Variants in KHDRBS2 observed in about 807,000 individuals in gnomAD.
The protein encoded by KHDRBS2 is KH RNA binding domain containing, signal transduction associated 2, also known as KH domain-containing, RNA-binding, signal transduction-associated protein 2.
A neutral mutation model predicts 44.3 loss-of-function variants in KHDRBS2; 26 were observed. That is an observed-to-expected ratio of 0.59 (90% CI 0.43 to 0.81). The LOEUF (loss-of-function observed/expected upper bound fraction) is 0.81. Among genes scored for constraint, KHDRBS2 ranks in the 40% least tolerant of loss-of-function variants. KHDRBS2 has a pLI of 0.00. For missense variants in KHDRBS2, 476 were observed against 433.1 expected (o/e 1.10, Z -0.88); for synonymous variants, 194 against 151.1 (o/e 1.28, Z -2.08).
the KHDRBS2 span, among the ~76,000 whole-genome samples, chr6:61,555,171 A>C: frequency 1.3e-5 from 2 of 152,070 alleles, no homozygotes; most frequent in Admixed American, 1.3e-4. Flanking sequence ...TCTTTAAATA[A>C]TCCTATATTA....
intron 2 of KHDRBS2, among the ~76,000 whole-genome samples, chr6:62,158,334 G>T (rs1248521236): frequency 1.3e-5 from 2 of 152,100 alleles, no homozygotes; most frequent in Non-Finnish European, 2.9e-5. Context: ...ACTATGCCAG[G>T]TATGTACATA....
chr6:61,752,075 C>A (rs937609316), intron 6 of KHDRBS2, among the ~76,000 whole-genome samples: 2 of 152,100 alleles, frequency 1.3e-5, no homozygotes, highest in African/African-American at 4.8e-5. Context: ...CAGTAACATT[C>A]TGAGGTACCA....
intron 2 of KHDRBS2, among the ~76,000 whole-genome samples, chr6:62,133,357 C>T (rs1351847985): frequency 6.6e-6 from 1 of 152,176 alleles, no homozygotes; most frequent in African/African-American, 2.4e-5. Context: ...TAAGGGGAAT[C>T]CCCTTTTGCT....
intron 2 of KHDRBS2, among the ~76,000 whole-genome samples, chr6:62,061,338 T>G (rs535241391): frequency 6.6e-6 from 1 of 152,002 alleles, no homozygotes; most frequent in Non-Finnish European, 1.5e-5. Context: ...TGTTCAGCGC[T>G]TCCTTCAGGA....
At chr6:61,572,541 C>A in the KHDRBS2 span, among the ~76,000 whole-genome samples, 1 of 152,034 alleles carries the variant, frequency 6.6e-6, no homozygotes, top group Non-Finnish European at 1.5e-5. Context: ...ATATCAATAT[C>A]CCTGATGAAT....
intron 6 of KHDRBS2, among the ~76,000 whole-genome samples, chr6:61,741,657 G>T (rs1272766686): frequency 6.6e-6 from 1 of 151,778 alleles, no homozygotes. Flanking sequence ...TGCCATTTTT[G>T]TAAGTCAAAA....
chr6:62,226,552 G>C (rs1585293637), intron 1 of KHDRBS2, among the ~76,000 whole-genome samples: 1 of 152,128 alleles, frequency 6.6e-6, no homozygotes, highest in African/African-American at 2.4e-5. Flanking sequence ...GATCCTATTT[G>C]TCAATTTTGG....
the KHDRBS2 span, among the ~76,000 whole-genome samples, chr6:61,662,068 G>C: frequency 1.3e-5 from 2 of 152,050 alleles, no homozygotes; most frequent in African/African-American, 4.8e-5. Flanking sequence ...AAATGGAACA[G>C]AACAGAGCCC....
chr6:61,932,717 C>T (rs539662461), intron 4 of KHDRBS2, among the ~76,000 whole-genome samples: 39 of 152,190 alleles, frequency 2.6e-4, no homozygotes, highest in South Asian at 1.7e-3. Context: ...TGGCGTGAAC[C>T]GGGAGGCGGA....
chr6:61,814,477 C>A (rs754911967), intron 6 of KHDRBS2, among the ~76,000 whole-genome samples: 10 of 151,130 alleles, frequency 6.6e-5, no homozygotes, highest in Non-Finnish European at 4.4e-5. Flanking sequence ...TGTGGTGCTG[C>A]GTGCCTGTAA....
intron 7 of KHDRBS2, among the ~76,000 whole-genome samples, chr6:61,727,247 G>C (rs1166762479): frequency 6.6e-6 from 1 of 152,028 alleles, no homozygotes. Context: ...ATTGAAACTG[G>C]ACCCCTTCCT....
intron 1 of KHDRBS2, among the ~76,000 whole-genome samples, chr6:62,180,489 C>G (rs1585088655): frequency 6.6e-6 from 1 of 151,808 alleles, no homozygotes; most frequent in East Asian, 1.9e-4. Context: ...CTTAGTTAAG[C>G]TGGTTAACGA....
chr6:61,981,646 T>C (rs1188409515), intron 3 of KHDRBS2, among the ~76,000 whole-genome samples: 1 of 152,138 alleles, frequency 6.6e-6, no homozygotes, highest in African/African-American at 2.4e-5. Context: ...TTTTTGACAA[T>C]TTGCAAAAAT....
chr6:62,046,506 GAA>G (rs954408839), intron 3 of KHDRBS2, among the ~76,000 whole-genome samples: 16 of 151,900 alleles, frequency 1.1e-4, no homozygotes, highest in African/African-American at 3.9e-4. Flanking sequence ...AAATCTTAAA[GAA>G]TGTGTGAGAC....
chr6:61,657,589 T>C, the KHDRBS2 span, among the ~76,000 whole-genome samples: 15 of 151,876 alleles, frequency 9.9e-5, no homozygotes, highest in African/African-American at 3.4e-4. Context: ...AAAACAAACG[T>C]GTCCTACAAA....
Position 62,040,815 on chromosome 6 carries a change from C to T in KHDRBS2, c.336+7063G>A, listed in dbSNP as rs531205460. Among the ~76,000 whole-genome samples the T allele has an allele frequency of 5.7e-4, 86 of 152,156 alleles. 1 individual carries two copies. Among genetic ancestry groups the T allele is most frequent in the African/African-American group, 1.9e-3 (77 of 41,552 alleles). ...TCTTCCAATGTAGCCCCCAAAATCA[C>T]GAACCAACACTACTCTGCATTCTAT... is the stretch of plus-strand genomic sequence containing the variant. On this transcript the variant is annotated intron_variant, in intron 3 of 8. Coordinates refer to ENST00000281156, the MANE Select transcript of KHDRBS2 (RefSeq NM_152688.4).
chr6:61,652,377 T>A, the KHDRBS2 span: 1 of 152,014 alleles, frequency 6.6e-6, no homozygotes, highest in African/African-American at 2.4e-5. Context: ...CTCATAGGTA[T>A]GATGTGATTT....
chr6:61,908,181 G>A (rs2127348727), intron 4 of KHDRBS2, among the ~76,000 whole-genome samples: 1 of 152,058 alleles, frequency 6.6e-6, no homozygotes, highest in South Asian at 2.1e-4. Context: ...TATTACTTTA[G>A]TATTAAAACA....
In KHDRBS2 at chr6:61,933,593, C is replaced by A. The variant is rs374120878; in HGVS notation, c.484-32222G>T. ...AACCTAGATAGTATAGCCTACCACA[C>A]ACCTAGGCTTATATAGTATAGCCTA... On this transcript the variant is annotated intron_variant, in intron 4 of 8. Coordinates refer to ENST00000281156, the MANE Select transcript of KHDRBS2 (RefSeq NM_152688.4). Among the ~76,000 whole-genome samples, 10 of 152,268 alleles carry A rather than the reference C, an allele frequency of 6.6e-5. No individual in the cohort carries two copies. In the East Asian group the frequency reaches 1.9e-3, roughly 29 times the overall value.
Sources: allele counts gnomAD v4.1 joint callset (sites outside exome capture counted in the v4.1 genomes callset), GRCh38; gene constraint gnomAD v4.1.1; transcripts MANE v1.5; gene names NCBI Gene and HGNC (gene_info 2026-07-23, HGNC 2026-07-21).